EML4: variants seen among roughly 807,000 people sequenced by gnomAD.
EML4 encodes the protein EMAP like 4, also known as echinoderm microtubule-associated protein-like 4.
EML4 carries 72 observed loss-of-function variants against 129.0 expected under a neutral mutation model. The observed-to-expected ratio is 0.56, with a 90% confidence interval of 0.46 to 0.68. The LOEUF is 0.68. Among genes scored for constraint, EML4 ranks in the 30% least tolerant of loss-of-function variants. The probability of loss-of-function intolerance (pLI) is 0.00; values close to 1 mark genes in which losing one functional copy is unlikely to be tolerated. For missense variants in EML4, 1,363 were observed against 1,190.6 expected (o/e 1.14, Z -2.13); for synonymous variants, 532 against 405.0 (o/e 1.31, Z -3.77).
chr2:42,272,461 G>C (rs1295279325), intron 6 of EML4, among the ~76,000 whole-genome samples: 1 of 151,944 alleles, frequency 6.6e-6, no homozygotes, highest in Non-Finnish European at 1.5e-5. Flanking sequence ...TTTACATTTT[G>C]CTTTATTTGA....
intron 13 of EML4, 118 bp downstream of exon 13, chr2:42,295,634 C>A: frequency 1.3e-6 from 1 of 746,730 alleles, no homozygotes; most frequent in Non-Finnish European, 2.1e-6. Flanking sequence ...AAGTCACCAA[C>A]ATACCTTTTG....
In EML4 at chr2:42,169,413, T is replaced by C. The variant is rs1572814193; in HGVS notation, c.-199T>C. 2.1e-6 allele frequency: 1 copy of C among 469,796 alleles called. No homozygotes were observed. Among genetic ancestry groups the C allele is most frequent in the Non-Finnish European group, 3.7e-6 (1 of 269,340 alleles). The allele number at this position is 469,796 out of a possible 1,614,324, so 29.1% of individuals were successfully genotyped here. On this transcript the variant is annotated 5_prime_UTR_variant, in exon 1 of 23. Coordinates refer to ENST00000318522, the MANE Select transcript of EML4 (RefSeq NM_019063.5). ...GGCAGGCGGCTGAGCGGCGCGGCTCTCAACGTGACGGGGAAGTGGTTCGGG... is the reference window on the plus strand; with the variant it reads ...GGCAGGCGGCTGAGCGGCGCGGCTCCCAACGTGACGGGGAAGTGGTTCGGG...
chr2:42,250,343 T>C (rs1675688072), intron 2 of EML4, among the ~76,000 whole-genome samples: 2 of 152,218 alleles, frequency 1.3e-5, no homozygotes, highest in Non-Finnish European at 2.9e-5. Flanking sequence ...ATCATTCAGC[T>C]CCTGGTCCAA....
chr2:42,320,094 T>C (rs2053347), intron 19 of EML4: 97,730 of 152,080 alleles, frequency 0.64, 32,862 homozygotes, highest in African/African-American at 0.84. Context: ...TGGTACCCAA[T>C]GATGTGAAAC....
Position 42,331,394 on chromosome 2 carries a change from T to C in EML4, c.*1187T>C, listed in dbSNP as rs1670091982. The C allele has an allele frequency of 4.5e-6, 1 of 224,682 alleles. No individual in the cohort carries two copies. The highest frequency in any genetic ancestry group is 2.2e-5 in the African/African-American group (1 of 44,862). The allele number at this position is 224,682 out of a possible 1,614,324, so 13.9% of individuals were successfully genotyped here. A position where few individuals can be genotyped will look rare whatever the true frequency, so the allele number is the denominator to read the frequency against. On this transcript the variant is annotated 3_prime_UTR_variant, in exon 23 of 23. Transcript: ENST00000318522. Reference sequence around the variant, plus strand: ...ACTCTTTTGGGCAATGCATGTATTATGCATTGGAAAGGTATTTTTTTTAAG... The same window carrying C: ...ACTCTTTTGGGCAATGCATGTATTACGCATTGGAAAGGTATTTTTTTTAAG...
At chr2:42,178,075 A>G (rs891009569) in intron 1 of EML4, among the ~76,000 whole-genome samples, 4 of 152,224 alleles carry the variant, frequency 2.6e-5, no homozygotes, top group Middle Eastern at 3.2e-3. Flanking sequence ...GTCTTTGACA[A>G]GTTTTTAGAA....
chr2:42,257,578 G>A (rs964893825), intron 3 of EML4, among the ~76,000 whole-genome samples: 3 of 152,208 alleles, frequency 2.0e-5, no homozygotes, highest in African/African-American at 7.2e-5. Context: ...GCTCATGCCT[G>A]TAATCCCAGC....
chr2:42,328,626 G>C (rs1032302626), intron 21 of EML4, among the ~76,000 whole-genome samples: 7 of 152,158 alleles, frequency 4.6e-5, no homozygotes, highest in Non-Finnish European at 8.8e-5. Context: ...CCACCTGCTG[G>C]TTACCATTGA....
rs190191894 is a variant in EML4, at chr2:42,190,995, C to T, written c.25+21359C>T. 3.2e-4 allele frequency among the ~76,000 whole-genome samples: 49 copies of T among 152,240 alleles called. 1 individual carries two copies. The highest frequency in any genetic ancestry group is 1.1e-3 in the African/African-American group (46 of 41,550). On this transcript the variant is annotated intron_variant, in intron 1 of 22. Coordinates refer to ENST00000318522, the MANE Select transcript of EML4 (RefSeq NM_019063.5). ...TTGGCTGTGTAGCCAGTTTGCAGGC[C>T]CCTGGTCTTGTGCATTTGTTTTATG...
At position 42,286,327 on chromosome 2, in the gene EML4, T is replaced by C; in HGVS notation, c.1070T>C (p.Ile357Thr). 4 of 1,614,146 alleles carry C rather than the reference T, an allele frequency of 2.5e-6. No homozygotes were observed. The highest frequency in any genetic ancestry group is 1.3e-5 in the African/African-American group (1 of 75,064). The stretch of plus-strand genomic sequence containing the variant: ...GTTACTCTATCCACACTGCAGATTA[T>C]TGGACTTGGCACTTTTGAGCGTGGA... ...DSVTLSTLQI[I>T]GLGTFERGVG... Residue 357 changes from isoleucine to threonine, a missense_variant, in exon 10 of 23, where the codon ATT becomes ACT. Ile to Thr is a moderately conservative substitution (Grantham distance 89, BLOSUM62 -1). Transcript: ENST00000318522.
chr2:42,270,420 C>T (rs1166959860), intron 6 of EML4, among the ~76,000 whole-genome samples: 2 of 152,058 alleles, frequency 1.3e-5, no homozygotes, highest in African/African-American at 2.4e-5. Flanking sequence ...ATTAACGAGG[C>T]GTGGTGGCAC....
chr2:42,314,042 G>C (rs1452659658), intron 17 of EML4, among the ~76,000 whole-genome samples: 2 of 151,786 alleles, frequency 1.3e-5, no homozygotes, highest in African/African-American at 4.8e-5. Flanking sequence ...CAGATGGTAG[G>C]AGCAGGTAAA....
intron 6 of EML4, among the ~76,000 whole-genome samples, chr2:42,279,420 A>T (rs761952026): frequency 9.3e-5 from 14 of 150,414 alleles, no homozygotes; most frequent in Non-Finnish European, 1.9e-4. Flanking sequence ...AGCAGTGTAC[A>T]AGGGTCCCAG....
intron 1 of EML4, among the ~76,000 whole-genome samples, chr2:42,245,097 T>TTTTTTTTTC (rs1675309293): frequency 8.9e-6 from 1 of 111,964 alleles, no homozygotes; most frequent in East Asian, 2.4e-4. Context: ...TTTCTTTCTT[T>TTTTTTTTTC]TTTTTTTTTT....
intron 1 of EML4, among the ~76,000 whole-genome samples, chr2:42,187,210 A>AT (rs1004750286): frequency 1.0e-4 from 15 of 147,368 alleles, no homozygotes; most frequent in South Asian, 2.1e-4. Context: ...TGCCCGGCTA[A>AT]TTTTTTTTTT....
chr2:42,259,078 C>G (rs2104371146), intron 3 of EML4, among the ~76,000 whole-genome samples: 1 of 152,218 alleles, frequency 6.6e-6, no homozygotes, highest in South Asian at 2.1e-4. Context: ...GTAACCCCAT[C>G]TCTGCTAAAA....
intron 1 of EML4, among the ~76,000 whole-genome samples, chr2:42,174,077 C>T (rs560277706): frequency 2.0e-4 from 31 of 152,146 alleles, no homozygotes; most frequent in Admixed American, 1.4e-3. Flanking sequence ...CTTTTTCTGT[C>T]TTATGTGTAA....
intron 11 of EML4, among the ~76,000 whole-genome samples, chr2:42,291,691 C>T (rs1218212823): frequency 2.0e-5 from 3 of 152,058 alleles, no homozygotes; most frequent in Non-Finnish European, 4.4e-5. Flanking sequence ...CAGGTGTGAG[C>T]CACCACGCCC....
At chr2:42,300,733 C>G (rs1668236263) in intron 13 of EML4, among the ~76,000 whole-genome samples, 1 of 152,162 alleles carries the variant, frequency 6.6e-6, no homozygotes, top group Non-Finnish European at 1.5e-5. Context: ...ACTGTTACCT[C>G]AGAAGGTCAA....
Sources: allele counts gnomAD v4.1 joint callset (sites outside exome capture counted in the v4.1 genomes callset), GRCh38; gene constraint gnomAD v4.1.1; transcripts MANE v1.5; gene names NCBI Gene and HGNC (gene_info 2026-07-23, HGNC 2026-07-21).